The following DDX10 variants were observed in gnomAD, a reference collection of about 807,000 sequenced individuals.
The protein encoded by DDX10 is DEAD-box helicase 10, also known as probable ATP-dependent RNA helicase DDX10.
Under a neutral mutation model 104.3 loss-of-function variants are expected in DDX10, and 74 were observed. That is an observed-to-expected ratio of 0.71 (90% CI 0.59 to 0.86). DDX10 has a LOEUF of 0.86. Among genes scored for constraint, DDX10 ranks in the 40% least tolerant of loss-of-function variants. The pLI, the probability that DDX10 is intolerant of heterozygous loss-of-function variation, is 0.00. For synonymous variants in DDX10, 351 were observed against 353.4 expected, an observed-to-expected ratio of 0.99 and a Z score of 0.08; for missense variants, 952 against 1,040.0, an observed-to-expected ratio of 0.92 and a Z score of 1.16.
chr11:108,865,372 C>T (rs1486221111), intron 16 of DDX10, among the ~76,000 whole-genome samples: 2 of 152,064 alleles, frequency 1.3e-5, no homozygotes, highest in East Asian at 1.9e-4. Context: ...TTTCAGGAGC[C>T]GATGAACTAT....
At chr11:108,747,868 T>C (rs1041982528) in intron 13 of DDX10, among the ~76,000 whole-genome samples, 1 of 152,158 alleles carries the variant, frequency 6.6e-6, no homozygotes, top group Non-Finnish European at 1.5e-5. Flanking sequence ...TAGTACCATG[T>C]TTATCAAACT....
At chr11:108,827,769 A>T (rs1862415217) in intron 13 of DDX10, among the ~76,000 whole-genome samples, 2 of 151,984 alleles carry the variant, frequency 1.3e-5, no homozygotes, top group Admixed American at 1.3e-4. Flanking sequence ...TAATTTTAGG[A>T]CTGTTGCTAT....
At chr11:108,700,265 A>G (rs918044332) in intron 9 of DDX10, among the ~76,000 whole-genome samples, 3 of 152,178 alleles carry the variant, frequency 2.0e-5, no homozygotes, top group African/African-American at 7.2e-5. Flanking sequence ...GTATGAATAA[A>G]CTCATTTAGC....
chr11:108,715,304 A>G (rs1457734078), intron 10 of DDX10, among the ~76,000 whole-genome samples: 2 of 152,168 alleles, frequency 1.3e-5, no homozygotes, highest in Non-Finnish European at 2.9e-5. Flanking sequence ...GCTTGAGGCC[A>G]GGAGTTCCAG....
chr11:108,772,293 G>A (rs2094364264), intron 13 of DDX10, among the ~76,000 whole-genome samples: 1 of 152,134 alleles, frequency 6.6e-6, no homozygotes, highest in African/African-American at 2.4e-5. Flanking sequence ...TAAAAATCTT[G>A]AGATAAGGAG....
At chr11:108,807,835 A>T (rs1862121206) in intron 13 of DDX10, among the ~76,000 whole-genome samples, 1 of 152,222 alleles carries the variant, frequency 6.6e-6, no homozygotes, top group Non-Finnish European at 1.5e-5. Flanking sequence ...GGCTGGAAAT[A>T]GTACCTTCTG....
chr11:108,796,402 T>A (rs1849365307), intron 13 of DDX10, among the ~76,000 whole-genome samples: 1 of 152,212 alleles, frequency 6.6e-6, no homozygotes, highest in Admixed American at 6.5e-5. Flanking sequence ...GATTTATTAT[T>A]TTTCTTCCAC....
At chr11:108,905,232 G>A (rs776701656) in intron 16 of DDX10, among the ~76,000 whole-genome samples, 1 of 141,008 alleles carries the variant, frequency 7.1e-6, no homozygotes, top group East Asian at 2.2e-4. Context: ...TCCATACAAA[G>A]ATCTTTTAGA....
chr11:108,755,637 T>C (rs1374333219), intron 13 of DDX10, among the ~76,000 whole-genome samples: 2 of 152,026 alleles, frequency 1.3e-5, no homozygotes, highest in Non-Finnish European at 1.5e-5. Flanking sequence ...TTCTTTCTCT[T>C]TTCCCAGTTA....
chr11:108,762,170 T>C (rs893347558), intron 13 of DDX10, among the ~76,000 whole-genome samples: 1 of 152,218 alleles, frequency 6.6e-6, no homozygotes, highest in South Asian at 2.1e-4. Flanking sequence ...TGGTTTGATA[T>C]GATTCCCTTG....
chr11:108,905,317 G>T (rs1183022130), intron 16 of DDX10, among the ~76,000 whole-genome samples: 2 of 149,042 alleles, frequency 1.3e-5, no homozygotes, highest in Admixed American at 6.7e-5. Context: ...GTTTAAGGGG[G>T]GGGGGGGTTG....
At chr11:108,813,926 A>ATATGTT (rs1204380896) in intron 13 of DDX10, among the ~76,000 whole-genome samples, 1 of 152,142 alleles carries the variant, frequency 6.6e-6, no homozygotes, top group Non-Finnish European at 1.5e-5. Flanking sequence ...TTTGTTTATA[A>ATATGTT]TGTTTAAATA....
intron 10 of DDX10, among the ~76,000 whole-genome samples, chr11:108,712,096 T>C (rs2094285226): frequency 6.6e-6 from 1 of 152,098 alleles, no homozygotes; most frequent in Admixed American, 6.6e-5. Context: ...AAGTCTGCTC[T>C]GTCTGACATT....
intron 6 of DDX10, among the ~76,000 whole-genome samples, chr11:108,680,843 A>G (rs984054355): frequency 1.3e-5 from 2 of 152,216 alleles, no homozygotes; most frequent in African/African-American, 2.4e-5. Context: ...CCTGAGACGA[A>G]GAGGCCAGAT....
intron 13 of DDX10, among the ~76,000 whole-genome samples, chr11:108,809,834 G>A (rs1002935690): frequency 6.6e-6 from 1 of 152,176 alleles, no homozygotes; most frequent in Admixed American, 6.5e-5. Context: ...TTGCATCTGT[G>A]TGTTCTACCC....
At chr11:108,805,914 A>C (rs1355694331) in intron 13 of DDX10, among the ~76,000 whole-genome samples, 2 of 152,130 alleles carry the variant, frequency 1.3e-5, no homozygotes, top group Non-Finnish European at 2.9e-5. Context: ...ATAAACTATA[A>C]TCTTTCTAAA....
intron 13 of DDX10, among the ~76,000 whole-genome samples, chr11:108,825,289 G>A (rs1184896191): frequency 6.6e-6 from 1 of 152,032 alleles, no homozygotes; most frequent in Admixed American, 6.6e-5. Context: ...ACAGTGGAGG[G>A]GAATAGAAAC....
intron 6 of DDX10, among the ~76,000 whole-genome samples, chr11:108,687,548 T>A (rs1190897454): frequency 6.6e-6 from 1 of 152,200 alleles, no homozygotes; most frequent in Non-Finnish European, 1.5e-5. Flanking sequence ...TTCATATGGT[T>A]ATTTTTTTTA....
At chr11:108,824,013 C>T (rs71489924) in intron 13 of DDX10, among the ~76,000 whole-genome samples, 4,130 of 152,100 alleles carry the variant, frequency 0.027, 97 homozygotes, top group Non-Finnish European at 0.042. Context: ...ATCATAGTGT[C>T]GTATTGTTTG....
Sources: allele counts gnomAD v4.1 joint callset (sites outside exome capture counted in the v4.1 genomes callset), GRCh38; gene constraint gnomAD v4.1.1; transcripts MANE v1.5; gene names NCBI Gene and HGNC (gene_info 2026-07-23, HGNC 2026-07-21).